SORCS3: variants seen among roughly 807,000 people sequenced by gnomAD.
The protein encoded by SORCS3 is VPS10 domain-containing receptor SorCS3.
In SORCS3, 57 loss-of-function variants were observed where a neutral mutation model predicts 146.3. The observed-to-expected ratio is 0.39, with a 90% CI of 0.31 to 0.49. The LOEUF (loss-of-function observed/expected upper bound fraction) is 0.49. Among genes scored for constraint, SORCS3 ranks in the 20% least tolerant of loss-of-function variants. The pLI is 0.92. For synonymous variants in SORCS3, 653 were observed against 618.5 expected, an observed-to-expected ratio of 1.06 and a Z score of -0.83; for missense variants, 1,341 against 1,575.5, an observed-to-expected ratio of 0.85 and a Z score of 2.52.
chr10:104,749,227 GT>G lies in SORCS3; in HGVS notation c.628-93564del, dbSNP rs1373548253. Among the ~76,000 whole-genome samples the G allele has an allele frequency of 2.0e-3, 89 of 43,858 alleles. No individual in the cohort carries two copies. In the African/African-American group the frequency reaches 0.026, roughly 13 times the overall value. 28.8% of individuals were successfully genotyped at this position (43,858 alleles called of 152,430 possible). ...TACCTTGTTCTGTGCAAAGTATAGG[GT>G]GTGTGTGTGTGTGTGTGTGTGTGTG... On this transcript the variant is annotated intron_variant, in intron 1 of 26. Transcript: ENST00000369701.
intron 23 of SORCS3, among the ~76,000 whole-genome samples, chr10:105,254,917 G>A (rs1440715011): frequency 2.0e-5 from 3 of 152,000 alleles, no homozygotes; most frequent in South Asian, 4.2e-4. Context: ...GGCCAGGCGC[G>A]GTGGCTCACG....
At chr10:104,746,536 T>C (rs1025955875) in intron 1 of SORCS3, among the ~76,000 whole-genome samples, 4 of 152,270 alleles carry the variant, frequency 2.6e-5, no homozygotes, top group African/African-American at 9.6e-5. Context: ...AAATCTATTT[T>C]ATCAATTTTG....
At chr10:105,153,287 A>G (rs769969226) in intron 9 of SORCS3, among the ~76,000 whole-genome samples, 4 of 152,046 alleles carry the variant, frequency 2.6e-5, no homozygotes, top group African/African-American at 4.8e-5. Flanking sequence ...TGTTGAATAT[A>G]TTGGTTCCTT....
intron 2 of SORCS3, among the ~76,000 whole-genome samples, chr10:104,908,823 A>G (rs1319240677): frequency 2.6e-5 from 4 of 152,166 alleles, no homozygotes; most frequent in African/African-American, 9.7e-5. Flanking sequence ...TGAGTACTGG[A>G]GCTGGGAGTA....
intron 8 of SORCS3, among the ~76,000 whole-genome samples, chr10:105,144,657 T>C (rs1426414169): frequency 6.6e-6 from 1 of 152,154 alleles, no homozygotes; most frequent in Non-Finnish European, 1.5e-5. Flanking sequence ...GTTCCAAGTT[T>C]AGTAAAGTCC....
At chr10:105,207,623 C>T (rs143553541) in intron 16 of SORCS3, among the ~76,000 whole-genome samples, 3 of 152,018 alleles carry the variant, frequency 2.0e-5, no homozygotes, top group Non-Finnish European at 2.9e-5. Flanking sequence ...ATGCAGACTT[C>T]GGAGCTGGGA....
chr10:105,222,212 C>T (rs2056707948), intron 19 of SORCS3, among the ~76,000 whole-genome samples: 1 of 151,964 alleles, frequency 6.6e-6, no homozygotes, highest in African/African-American at 2.4e-5. Context: ...GCGGCTGCCA[C>T]CATGCCCAGC....
Position 105,243,216 on chromosome 10 carries a change from C to T in SORCS3, c.2869-2326C>T, listed in dbSNP as rs529896087. On this transcript the variant is annotated intron_variant, in intron 20 of 26. Coordinates refer to ENST00000369701, the MANE Select transcript of SORCS3 (RefSeq NM_014978.3). ...TGACCAATAGAAACTAGAAATTTTG[C>T]CTAAATCCATTTGTCAATGCAACAT... is the stretch of plus-strand genomic sequence containing the variant. Among the ~76,000 whole-genome samples, 26 of 151,454 alleles carry T rather than the reference C, an allele frequency of 1.7e-4. No homozygotes were observed. In the Middle Eastern group the frequency reaches 0.014, roughly 80 times the overall value.
At chr10:105,034,141 C>T (rs193141159) in intron 4 of SORCS3, among the ~76,000 whole-genome samples, 15 of 152,088 alleles carry the variant, frequency 9.9e-5, no homozygotes, top group African/African-American at 2.4e-4. Context: ...AATAAGAGAA[C>T]GGAGAGCCGT....
chr10:105,067,617 A>G (rs1036561651), intron 5 of SORCS3, among the ~76,000 whole-genome samples: 1 of 152,238 alleles, frequency 6.6e-6, no homozygotes, highest in Admixed American at 6.5e-5. Context: ...GTATGAAATT[A>G]GTTGTAATGA....
intron 5 of SORCS3, among the ~76,000 whole-genome samples, chr10:105,063,039 C>A (rs375388116): frequency 1.3e-5 from 2 of 152,202 alleles, no homozygotes; most frequent in Non-Finnish European, 2.9e-5. Context: ...TGTCATTAAT[C>A]GCTAATTGCT....
intron 19 of SORCS3, among the ~76,000 whole-genome samples, chr10:105,222,409 G>A (rs1034445892): frequency 3.9e-5 from 6 of 152,066 alleles, no homozygotes; most frequent in Non-Finnish European, 8.8e-5. Context: ...AGTTTGGAAA[G>A]TAAAATCCTC....
chr10:104,916,514 G>T, intron 3 of SORCS3, among the ~76,000 whole-genome samples: 1 of 152,184 alleles, frequency 6.6e-6, no homozygotes, highest in Admixed American at 6.5e-5. Context: ...CTTTCCTCTT[G>T]ATTTAGCAGC....
chr10:105,227,253 G>A (rs961028295), intron 20 of SORCS3, among the ~76,000 whole-genome samples: 1 of 151,588 alleles, frequency 6.6e-6, no homozygotes, highest in African/African-American at 2.4e-5. Context: ...TTGTGTTTCT[G>A]GGTTTTTTTG....
At chr10:104,821,375 TAA>T (rs1248753324) in intron 1 of SORCS3, among the ~76,000 whole-genome samples, 2 of 152,028 alleles carry the variant, frequency 1.3e-5, no homozygotes, top group African/African-American at 4.8e-5. Flanking sequence ...AGCTGATGCT[TAA>T]AGAGTGGATA....
At chr10:104,764,582 T>C (rs567632951) in intron 1 of SORCS3, among the ~76,000 whole-genome samples, 4 of 152,152 alleles carry the variant, frequency 2.6e-5, no homozygotes, top group Non-Finnish European at 5.9e-5. Context: ...AGTTGTAGGG[T>C]CAAGTGATAG....
chr10:104,834,045 TCTC>T (rs760028823), intron 1 of SORCS3, among the ~76,000 whole-genome samples: 38 of 152,246 alleles, frequency 2.5e-4, no homozygotes, highest in Non-Finnish European at 4.9e-4. Flanking sequence ...TGTCAGCAAA[TCTC>T]CTTGGCTCTA....
chr10:105,031,364 A>AC (rs1564738590), intron 4 of SORCS3, among the ~76,000 whole-genome samples: 1 of 146,954 alleles, frequency 6.8e-6, no homozygotes, highest in Admixed American at 6.7e-5. Flanking sequence ...CACACACACA[A>AC]AAACATGTAT....
At chr10:104,846,249 CT>C (rs2018202961) in intron 2 of SORCS3, among the ~76,000 whole-genome samples, 1 of 152,236 alleles carries the variant, frequency 6.6e-6, no homozygotes, top group Middle Eastern at 3.4e-3. Context: ...AGTCTTCTAA[CT>C]TTTTACTGTC....
Sources: allele counts gnomAD v4.1 joint callset (sites outside exome capture counted in the v4.1 genomes callset), GRCh38; gene constraint gnomAD v4.1.1; transcripts MANE v1.5; gene names NCBI Gene and HGNC (gene_info 2026-07-23, HGNC 2026-07-21).